FHIP2A: variants seen among roughly 807,000 people sequenced by gnomAD.
FHIP2A encodes FHF complex subunit HOOK interacting protein 2A.
Under a neutral mutation model 93.5 loss-of-function variants are expected in FHIP2A, and 46 were observed. The observed-to-expected ratio is 0.49, with a 90% CI of 0.39 to 0.63. The LOEUF is 0.63. FHIP2A is among the 20% of genes least tolerant of loss of function. The pLI, the probability that FHIP2A is intolerant of heterozygous loss-of-function variation, is 0.00. For missense variants in FHIP2A, 769 were observed against 909.7 expected, an observed-to-expected ratio of 0.85 and a Z score of 1.99; for synonymous variants, 332 against 326.5, an observed-to-expected ratio of 1.02 and a Z score of -0.18.
chr10:114,874,789 C>T (rs1033193313), intron 16 of FHIP2A, among the ~76,000 whole-genome samples: 1 of 152,222 alleles, frequency 6.6e-6, no homozygotes, highest in Non-Finnish European at 1.5e-5. Flanking sequence ...CAGGCATGAG[C>T]CATCGCGCCC....
intron 16 of FHIP2A, among the ~76,000 whole-genome samples, chr10:114,877,784 AT>A (rs1169468915): frequency 6.6e-6 from 1 of 152,196 alleles, no homozygotes; most frequent in African/African-American, 2.4e-5. Flanking sequence ...ATGGTTGAGA[AT>A]TTCTGCATGA....
intron 16 of FHIP2A, among the ~76,000 whole-genome samples, chr10:114,880,680 A>AACACACACAC (rs71473073): frequency 0.048 from 6,858 of 144,046 alleles, 405 homozygotes; most frequent in African/African-American, 0.14. Flanking sequence ...ACTCCATGTC[A>AACACACACAC]ACACACACAC....
At chr10:114,859,506 G>A (rs2083785386) in intron 14 of FHIP2A, among the ~76,000 whole-genome samples, 1 of 152,202 alleles carries the variant, frequency 6.6e-6, no homozygotes, top group Non-Finnish European at 1.5e-5. Context: ...GTGCTGCAGT[G>A]TCTGTCTCAC....
intron 16 of FHIP2A, among the ~76,000 whole-genome samples, chr10:114,871,205 T>C (rs563505628): frequency 2.4e-4 from 37 of 151,756 alleles, no homozygotes; most frequent in African/African-American, 8.9e-4. Flanking sequence ...CAGGCTGGAG[T>C]GCAGTGGAAC....
chr10:114,883,361 C>T (rs2083926480), intron 16 of FHIP2A, among the ~76,000 whole-genome samples: 1 of 152,042 alleles, frequency 6.6e-6, no homozygotes, highest in South Asian at 2.1e-4. Flanking sequence ...TCTTCCTATC[C>T]ACATTGTAAA....
rs1042550534 is a variant in FHIP2A at position 114,830,326 on chromosome 10, G to A, written c.46-526G>A. 2.1e-5 allele frequency among the ~76,000 whole-genome samples: 3 copies of A among 142,860 alleles called. No individual in the cohort carries two copies. In the Admixed American group the frequency reaches 2.2e-4, roughly 10 times the overall value. 93.7% of individuals were successfully genotyped at this position (142,860 alleles called of 152,430 possible). On this transcript the variant is annotated intron_variant, in intron 1 of 16. Transcript: ENST00000369248. The stretch of plus-strand genomic sequence containing the variant: ...CTCGTTCTGTCATCCAGGCTGGAGT[G>A]CAGTGGCGCAATCTTGGCTCACTGA...
rs2083801418 is a variant in FHIP2A at position 114,861,770 on chromosome 10, T to C, written c.*230T>C. The C allele has an allele frequency of 8.4e-7, 1 of 1,194,308 alleles. No homozygotes were observed. The highest frequency in any genetic ancestry group is 1.6e-5 in the African/African-American group (1 of 62,966). The allele number at this position is 1,194,308 out of a possible 1,614,324, so 74.0% of individuals were successfully genotyped here. A position where few individuals can be genotyped will look rare whatever the true frequency, so the allele number is the denominator to read the frequency against. On this transcript the variant is annotated 3_prime_UTR_variant, in exon 17 of 17. Transcript: ENST00000369248. ...GTTCTATATATACAATTGCACATTG[T>C]TGAATCCAGGATACAATCAAAGGAA...
At chr10:114,841,914 A>G (rs2083671094) in intron 5 of FHIP2A, among the ~76,000 whole-genome samples, 1 of 152,158 alleles carries the variant, frequency 6.6e-6, no homozygotes, top group Non-Finnish European at 1.5e-5. Flanking sequence ...CCTTGAAGCT[A>G]ACAATTTGCT....
chr10:114,838,408 G>A (rs1034121100), intron 5 of FHIP2A, among the ~76,000 whole-genome samples: 9 of 152,000 alleles, frequency 5.9e-5, no homozygotes, highest in East Asian at 5.8e-4. Flanking sequence ...CGTGATGTGC[G>A]TTATATTTTG....
At chr10:114,828,293 C>T (rs535888442) in intron 1 of FHIP2A, among the ~76,000 whole-genome samples, 1 of 152,276 alleles carries the variant, frequency 6.6e-6, no homozygotes, top group Non-Finnish European at 1.5e-5. Context: ...GGTCCTGACA[C>T]AAATGCACTA....
At chr10:114,826,354 T>G (rs1229872541) in intron 1 of FHIP2A, among the ~76,000 whole-genome samples, 1 of 152,232 alleles carries the variant, frequency 6.6e-6, no homozygotes, top group African/African-American at 2.4e-5. Flanking sequence ...TGTCCCTTCC[T>G]TCTACACTTG....
intron 5 of FHIP2A, 130 bp downstream of exon 5, chr10:114,836,376 A>G (rs2083637068): frequency 4.1e-6 from 3 of 736,138 alleles, no homozygotes; most frequent in Admixed American, 2.4e-5. Context: ...TCCCAGAATT[A>G]TTTTTCCTTT....
At chr10:114,872,223 CAGAG>C (rs755659259) in intron 16 of FHIP2A, among the ~76,000 whole-genome samples, 1 of 152,108 alleles carries the variant, frequency 6.6e-6, no homozygotes, top group Non-Finnish European at 1.5e-5. Flanking sequence ...CTTCCACTGT[CAGAG>C]AGGCCTTGGG....
intron 5 of FHIP2A, 85 bp downstream of exon 5, chr10:114,836,331 G>A: frequency 8.9e-7 from 1 of 1,124,774 alleles, no homozygotes; most frequent in Non-Finnish European, 1.3e-6. Context: ...ATATTAGAAG[G>A]AGCTCTGTTT....
rs2083684827 is a variant in FHIP2A, at chr10:114,843,885, C to T, written c.961C>T (p.Pro321Ser). Reference sequence around the variant, plus strand: ...ACTTGCCTCCCTGTACAAGGCCCTACCTCAGTCAGTGGATCCGTTAGATAT... The same window carrying T: ...ACTTGCCTCCCTGTACAAGGCCCTATCTCAGTCAGTGGATCCGTTAGATAT... The part of the protein sequence containing the change: ...DRLASLYKAL[P>S]QSVDPLDIET... Residue 321 changes from proline (P) to serine (S), a missense_variant, in exon 7 of 17, where the codon CCT becomes TCT. By Grantham distance (74) the Pro-to-Ser change is moderately conservative (BLOSUM62 -1). Transcript: ENST00000369248. The T allele has an allele frequency of 6.2e-7, 1 of 1,602,102 alleles. No homozygotes were observed. Among genetic ancestry groups the T allele is most frequent in the Non-Finnish European group, 8.5e-7 (1 of 1,177,238 alleles).
At chr10:114,835,333 G>GAT (rs1431203374) in intron 3 of FHIP2A, among the ~76,000 whole-genome samples, 1 of 152,184 alleles carries the variant, frequency 6.6e-6, no homozygotes, top group Non-Finnish European at 1.5e-5. Flanking sequence ...TATGGTCTCA[G>GAT]ATATACAATA....
rs1481485000 is a variant in FHIP2A, at chr10:114,847,202, G to A, written c.1681G>A (p.Gly561Arg). Residue 561 changes from glycine (G) to arginine (R), a missense_variant, in exon 12 of 17, where the codon GGA becomes AGA. Gly to Arg is a moderately radical substitution (Grantham distance 125). Transcript: ENST00000369248. ...PATPDHPKND[G>R]KTEVHKIVNS... The stretch of plus-strand genomic sequence containing the variant: ...TACTCCAGACCACCCCAAAAATGAT[G>A]GAAAAACTGAAGTTCATAAAATTGT... 1 of 1,611,848 alleles carries A rather than the reference G, an allele frequency of 6.2e-7. No individual in the cohort carries two copies. Among genetic ancestry groups the A allele is most frequent in the Admixed American group, 1.7e-5 (1 of 59,642 alleles).
At position 114,862,869 on chromosome 10, in the gene FHIP2A, A is replaced by T; in HGVS notation, c.*1329A>T. ...CAGGCTATCAAAGGTTCCGGCTTGA[A>T]GGGAACTGTCACTACCCCCTCTAGG... On this transcript the variant is annotated 3_prime_UTR_variant, in exon 17 of 17. Transcript: ENST00000369248. The T allele has an allele frequency of 1.0e-6, 1 of 985,472 alleles. No homozygotes were observed. The highest frequency in any genetic ancestry group is 1.2e-6 in the Non-Finnish European group (1 of 829,934). The allele number at this position is 985,472 out of a possible 1,614,324, so 61.0% of individuals were successfully genotyped here. A position where few individuals can be genotyped will look rare whatever the true frequency, so the allele number is the denominator to read the frequency against.
intron 16 of FHIP2A, among the ~76,000 whole-genome samples, chr10:114,897,267 C>A (rs532882481): frequency 6.6e-6 from 1 of 152,242 alleles, no homozygotes; most frequent in South Asian, 2.1e-4. Flanking sequence ...CCAATTGGGA[C>A]AAATAGAGAA....
Sources: allele counts gnomAD v4.1 joint callset (sites outside exome capture counted in the v4.1 genomes callset), GRCh38; gene constraint gnomAD v4.1.1; transcripts MANE v1.5; gene names NCBI Gene and HGNC (gene_info 2026-07-23, HGNC 2026-07-21).